Variants in RGP1 observed in about 807,000 individuals in gnomAD.
RGP1 encodes the protein RAB6A-GEF complex partner protein 2.
Under a neutral mutation model 44.5 loss-of-function variants are expected in RGP1, and 28 were observed. That is an observed-to-expected ratio of 0.63 (90% confidence interval 0.47 to 0.86). The LOEUF (loss-of-function observed/expected upper bound fraction) is 0.86, where lower values mean the gene tolerates loss of function less well. RGP1 is among the 40% of genes least tolerant of loss of function. The pLI, the probability that RGP1 is intolerant of heterozygous loss-of-function variation, is 0.00. For missense variants in RGP1, 417 were observed against 490.7 expected, an observed-to-expected ratio of 0.85 and a Z score of 1.42; for synonymous variants, 212 against 196.7, an observed-to-expected ratio of 1.08 and a Z score of -0.65.
At chr9:35,762,083 C>T (rs1827423382), downstream of RGP1, among the ~76,000 whole-genome samples, 1 of 152,026 alleles carries the variant, frequency 6.6e-6, no homozygotes, top group Non-Finnish European at 1.5e-5. Flanking sequence ...GCAGAGGTTG[C>T]AGTGAGCCGA....
At chr9:35,769,598 T>C in the RGP1 span, among the ~76,000 whole-genome samples, 1 of 152,214 alleles carries the variant, frequency 6.6e-6, no homozygotes, top group African/African-American at 2.4e-5. Flanking sequence ...GGAAGGTTTG[T>C]GCTGTGATCT....
At chr9:35,786,352 T>C in the RGP1 span, among the ~76,000 whole-genome samples, 5 of 152,226 alleles carry the variant, frequency 3.3e-5, no homozygotes, top group African/African-American at 1.2e-4. Flanking sequence ...ATATTATATT[T>C]GAGACTTCAT....
At chr9:35,759,435 T>C (rs1182977319), downstream of RGP1, among the ~76,000 whole-genome samples, 1 of 151,342 alleles carries the variant, frequency 6.6e-6, no homozygotes, top group Non-Finnish European at 1.5e-5. Context: ...GGTGGCGCGT[T>C]CCTGTAATCC....
downstream of RGP1, among the ~76,000 whole-genome samples, chr9:35,759,953 T>C (rs1827405019): frequency 6.6e-6 from 1 of 152,000 alleles, no homozygotes; most frequent in Non-Finnish European, 1.5e-5. Flanking sequence ...CCTGTTATTT[T>C]TCATGGGTTT....
rs747098372 is a variant in RGP1, at chr9:35,751,261, T to C, written c.488-5T>C. 6.2e-7 allele frequency: 1 copy of C among 1,613,892 alleles called. No homozygotes were observed. Among genetic ancestry groups the C allele is most frequent in the East Asian group, 2.2e-5 (1 of 44,886 alleles). ...GCATTACCTCTCCACTCATTCTTTC[T>C]CTAGGCCTTCAGGATGTCCGGTTTC... On this transcript the variant is annotated splice_polypyrimidine_tract_variant and splice_region_variant and intron_variant, in intron 5 of 8. Coordinates refer to ENST00000378078, the MANE Select transcript of RGP1 (RefSeq NM_001080496.3).
the RGP1 span, among the ~76,000 whole-genome samples, chr9:35,786,196 T>G: frequency 4.6e-5 from 7 of 152,370 alleles, 1 homozygote; most frequent in South Asian, 1.4e-3. Flanking sequence ...CCTCTTTTTA[T>G]GCCAGATATT....
At chr9:35,770,052 A>G in the RGP1 span, among the ~76,000 whole-genome samples, 1 of 152,148 alleles carries the variant, frequency 6.6e-6, no homozygotes, top group South Asian at 2.1e-4. Flanking sequence ...GTTGGAGTGG[A>G]TCAACACTAG....
chr9:35,781,200 C>T, the RGP1 span, among the ~76,000 whole-genome samples: 2 of 151,896 alleles, frequency 1.3e-5, no homozygotes, highest in African/African-American at 4.8e-5. Context: ...ACATGACCCA[C>T]TTAGAGGACT....
chr9:35,751,817 G>T (rs1827270443), intron 7 of RGP1, 63 bp downstream of exon 7: 1 of 1,608,752 alleles, frequency 6.2e-7, no homozygotes, highest in African/African-American at 1.3e-5. Flanking sequence ...AGGGTGGAAG[G>T]CCTGTATAAA....
At chr9:35,788,960 CT>C in the RGP1 span, among the ~76,000 whole-genome samples, 1 of 152,104 alleles carries the variant, frequency 6.6e-6, no homozygotes. Flanking sequence ...TATCTCCCCA[CT>C]CCTTCCCACT....
At chr9:35,764,313 G>A in the RGP1 span, among the ~76,000 whole-genome samples, 11 of 152,148 alleles carry the variant, frequency 7.2e-5, no homozygotes, top group African/African-American at 2.7e-4. Context: ...AACTCCTGTG[G>A]ATTGGATAAC....
rs7024615 is a variant in RGP1 at position 35,751,780 on chromosome 9, C to T, written c.762+26C>T. 13,661 of 1,613,538 alleles carry T rather than the reference C, an allele frequency of 8.5e-3. 880 individuals are homozygous for T. The African/African-American group carries it at 0.15, about 18-fold the overall frequency. On this transcript the variant is annotated intron_variant, in intron 7 of 8. Coordinates refer to ENST00000378078, the MANE Select transcript of RGP1 (RefSeq NM_001080496.3). ...GTAAGAAGGGAGCAGAGCTTCTTAC[C>T]TGCTGGGGTGCTGGGGTTGAAGGGC...
intron 6 of RGP1, 30 bp from the exon 7 acceptor site, chr9:35,751,597 T>A (rs775799577): frequency 6.2e-7 from 1 of 1,613,752 alleles, no homozygotes; most frequent in East Asian, 2.2e-5. Flanking sequence ...GTATGTAGAC[T>A]CCAGGCTTAT....
chr9:35,767,255 T>A, the RGP1 span, among the ~76,000 whole-genome samples: 1 of 151,446 alleles, frequency 6.6e-6, no homozygotes. Flanking sequence ...CCAGCCTTAA[T>A]GCTCTTTTCT....
the RGP1 span, among the ~76,000 whole-genome samples, chr9:35,775,996 G>C: frequency 6.6e-6 from 1 of 152,118 alleles, no homozygotes; most frequent in Non-Finnish European, 1.5e-5. Context: ...TAACAGGTTA[G>C]CTTAAGGCCT....
At chr9:35,768,274 C>T in the RGP1 span, among the ~76,000 whole-genome samples, 1 of 152,014 alleles carries the variant, frequency 6.6e-6, no homozygotes. Flanking sequence ...GATGCCCAGG[C>T]TGGTCTTGAA....
chr9:35,753,641 G>T lies in RGP1; in HGVS notation c.*767G>T. The T allele has an allele frequency of 6.3e-7, 1 of 1,587,244 alleles. No individual in the cohort carries two copies. Among genetic ancestry groups the T allele is most frequent in the Non-Finnish European group, 8.6e-7 (1 of 1,156,476 alleles). On this transcript the variant is annotated 3_prime_UTR_variant, in exon 9 of 9. Coordinates refer to ENST00000378078, the MANE Select transcript of RGP1 (RefSeq NM_001080496.3). This position sits in a 1 kb window ranked among gnomAD's most constrained non-coding sequence, Gnocchi z 4.2. ...ACTCATATCAGAGTCATTCTCTCTG[G>T]CCATCTTTGGTCACTCACGTGTCAC...
chr9:35,753,134 G>A lies in RGP1; in HGVS notation c.*260G>A. On this transcript the variant is annotated 3_prime_UTR_variant, in exon 9 of 9. Coordinates refer to ENST00000378078, the MANE Select transcript of RGP1 (RefSeq NM_001080496.3). The surrounding 1 kb of genome is among the most constrained non-coding windows in gnomAD (Gnocchi z 4.2). ...GTGGGGAGCAGGAGCCCCAGGAACA[G>A]GGGTGTTGGCTGAGCCCCATTCTGG... The A allele has an allele frequency of 1.2e-6, 2 of 1,614,202 alleles. No homozygotes were observed. The highest frequency in any genetic ancestry group is 1.7e-6 in the Non-Finnish European group (2 of 1,180,028).
the RGP1 span, among the ~76,000 whole-genome samples, chr9:35,788,578 A>G: frequency 1.3e-5 from 2 of 151,122 alleles, no homozygotes; most frequent in African/African-American, 4.9e-5. Context: ...AAAAAGAAAA[A>G]AAAAAAAAGA....
Sources: gnomAD v4.1 joint callset for allele counts (sites outside exome capture counted in the v4.1 genomes callset) on GRCh38, gnomAD v4.1.1 for gene constraint, Gnocchi (gnomAD v3.1) non-coding constraint, MANE v1.5 for transcripts, NCBI Gene and HGNC (gene_info 2026-07-23, HGNC 2026-07-21) for gene names.